The following ERI2 variants were observed in gnomAD, a reference collection of about 807,000 sequenced individuals.
The protein encoded by ERI2 is ERI1 exoribonuclease 2.
Under a neutral mutation model 46.8 loss-of-function variants are expected in ERI2, and 35 were observed. The observed-to-expected ratio is 0.75, with a 90% confidence interval of 0.57 to 0.99. The LOEUF (loss-of-function observed/expected upper bound fraction) is 0.99. ERI2 is among the 50% of genes least tolerant of loss of function. The pLI is 0.00. For missense variants in ERI2, 695 were observed against 796.2 expected, an observed-to-expected ratio of 0.87 and a Z score of 1.53; for synonymous variants, 224 against 271.0, an observed-to-expected ratio of 0.83 and a Z score of 1.70.
chr16:20,783,068 C>G (rs1567355902), intron 10 of ERI2, among the ~76,000 whole-genome samples: 1 of 152,160 alleles, frequency 6.6e-6, no homozygotes. Context: ...GGAGGTGAGG[C>G]TGAAAGTGCC....
chr16:20,806,103 G>C (rs2080866101), intron 1 of ERI2: 2 of 1,315,438 alleles, frequency 1.5e-6, no homozygotes, highest in East Asian at 6.3e-5. Flanking sequence ...GCAGGGCACT[G>C]TCACGTCCAG....
chr16:20,801,164 C>G lies in ERI2; in HGVS notation c.460+39G>C, dbSNP rs752018153. The G allele has an allele frequency of 1.3e-5, 20 of 1,497,006 alleles. No homozygotes were observed. In the East Asian group the frequency reaches 2.7e-4, roughly 20 times the overall value. The allele number at this position is 1,497,006 out of a possible 1,614,324, so 92.7% of individuals were successfully genotyped here. A position where few individuals can be genotyped will look rare whatever the true frequency, so the allele number is the denominator to read the frequency against. Reference sequence around the variant, plus strand: ...AATAAAGAATTACATAGTGGTAATGCTACCCATCTGTGATTAATAGGTATA... The same window carrying G: ...AATAAAGAATTACATAGTGGTAATGGTACCCATCTGTGATTAATAGGTATA... On this transcript the variant is annotated intron_variant, in intron 5 of 8. Coordinates refer to ENST00000357967, the MANE Select transcript of ERI2 (RefSeq NM_001142725.2).
rs535404012 is a variant in ERI2, at chr16:20,780,422, T to C, written c.*220A>G. ...CAGACTCCTTACTCTGCTGGAGGTATGATAAAAATCTCAAGTTTTAAAAAT... is the reference window on the plus strand; with the variant it reads ...CAGACTCCTTACTCTGCTGGAGGTACGATAAAAATCTCAAGTTTTAAAAAT... On this transcript the variant is annotated 3_prime_UTR_variant, in exon 11 of 11. Coordinates refer to the ERI2 transcript ENST00000300005. 108 of 565,856 alleles carry C rather than the reference T, an allele frequency of 1.9e-4. 3 individuals are homozygous for C. The East Asian group carries it at 3.3e-3, about 17-fold the overall frequency. The allele number at this position is 565,856 out of a possible 1,614,324, so 35.1% of individuals were successfully genotyped here.
At position 20,797,472 on chromosome 16, in the gene ERI2, C is replaced by CAAATAATTTAAATAATTT; in HGVS notation, c.*251_*252insAAATTATTTAAATTATTT. 1.0e-5 allele frequency: 11 copies of CAAATAATTTAAATAATTT among 1,076,624 alleles called. No homozygotes were observed. The highest frequency in any genetic ancestry group is 1.2e-5 in the Non-Finnish European group (11 of 888,266). The allele number at this position is 1,076,624 out of a possible 1,614,324, so 66.7% of individuals were successfully genotyped here. A position where few individuals can be genotyped will look rare whatever the true frequency, so the allele number is the denominator to read the frequency against. On this transcript the variant is annotated 3_prime_UTR_variant, in exon 9 of 9. Coordinates refer to ENST00000357967, the MANE Select transcript of ERI2 (RefSeq NM_001142725.2). ...GGATTTTTATTAGTCACATTTTTTG[C>CAAATAATTTAAATAATTT]AAATAATTTAAAAATAGTTTAGACT...
chr16:20,790,654 C>G lies in ERI2; in HGVS notation c.815+196G>C, dbSNP rs764482495. On this transcript the variant is annotated intron_variant, in intron 9 of 10. Transcript: ENST00000300005. The surrounding 1 kb of genome is among the most constrained non-coding windows in gnomAD (Gnocchi z 4.0). Reference sequence around the variant, plus strand: ...GGAGATATTGGCATTCAAGTTCTACCCAACCGACCATTTGGCCTTTTTACT... The same window carrying G: ...GGAGATATTGGCATTCAAGTTCTACGCAACCGACCATTTGGCCTTTTTACT... 1 of 1,614,046 alleles carries G rather than the reference C, an allele frequency of 6.2e-7. No individual in the cohort carries two copies. Among genetic ancestry groups the G allele is most frequent in the Non-Finnish European group, 8.5e-7 (1 of 1,179,976 alleles).
chr16:20,806,289 C>T (rs1596556205), intron 1 of ERI2, 119 bp downstream of exon 1: 1 of 1,464,328 alleles, frequency 6.8e-7, no homozygotes, highest in Non-Finnish European at 9.0e-7. Flanking sequence ...TCGCAGACGC[C>T]GGGGCTGCGG....
At position 20,798,700 on chromosome 16, in the gene ERI2, T is replaced by A. The variant is rs1221423218; in HGVS notation, c.1100A>T (p.Lys367Ile). 1 of 1,551,578 alleles carries A rather than the reference T, an allele frequency of 6.4e-7. No homozygotes were observed. The highest frequency in any genetic ancestry group is 1.4e-5 in the African/African-American group (1 of 73,028). The part of the protein sequence containing the change: ...GKNEHLAFNT[K>I]SKASTVGSEL... Reference sequence around the variant, plus strand: ...TGAACCAACTGTTGAAGCCTTAGATTTGGTATTAAATGCAAGATGTTCATT... The same window carrying A: ...TGAACCAACTGTTGAAGCCTTAGATATGGTATTAAATGCAAGATGTTCATT... Residue 367 changes from lysine to isoleucine, a missense_variant, in exon 9 of 9, where the codon AAA becomes ATA. Lys to Ile is a moderately radical substitution (Grantham distance 102). Coordinates refer to ENST00000357967, the MANE Select transcript of ERI2 (RefSeq NM_001142725.2).
Position 20,798,645 on chromosome 16 carries a change from TG to T in ERI2, c.1154del (p.Pro385GlnfsTer11). 6.4e-7 allele frequency: 1 copy of T among 1,551,618 alleles called. No individual in the cohort carries two copies. The highest frequency in any genetic ancestry group is 1.2e-5 in the South Asian group (1 of 84,060). On this transcript the variant is annotated frameshift_variant, in exon 9 of 9. Transcript: ENST00000357967. LOFTEE classifies it high-confidence loss of function. Reference sequence around the variant, plus strand: ...CCAAATCAGAAACATGATGAACAGTTGGAACGGTGGTAGAAACAAGTACCAA... The same window carrying T: ...CCAAATCAGAAACATGATGAACAGTTGAACGGTGGTAGAAACAAGTACCAA... Reference protein sequence around the residue: ...SELVLVSTTVPTVHHVSDLEM... With the variant: ...SELVLVSTTVXTVHHVSDLEM...
intron 10 of ERI2, among the ~76,000 whole-genome samples, chr16:20,786,636 T>C (rs1408737642): frequency 6.6e-6 from 1 of 152,192 alleles, no homozygotes; most frequent in African/African-American, 2.4e-5. Context: ...TGAGCCATGA[T>C]CACACCACTG....
chr16:20,780,964 G>A (rs776896545), intron 10 of ERI2: 1 of 1,613,992 alleles, frequency 6.2e-7, no homozygotes, highest in Non-Finnish European at 8.5e-7. Context: ...GCTACTCTTT[G>A]TTTTCCCAGG....
intron 10 of ERI2, among the ~76,000 whole-genome samples, chr16:20,788,852 A>ACATATTT (rs2080531303): frequency 6.6e-6 from 1 of 152,188 alleles, no homozygotes; most frequent in African/African-American, 2.4e-5. Context: ...TCTTTAGATA[A>ACATATTT]CTGGGTGGGA....
chr16:20,790,983 C>G lies in ERI2; in HGVS notation c.733-51G>C, dbSNP rs1596537941. The stretch of plus-strand genomic sequence containing the variant: ...TCCCCTGATCCTCTCAATTATCAAA[C>G]AAAACCCACTCATTTTCCTGAAATC... On this transcript the variant is annotated intron_variant, in intron 8 of 10. Coordinates refer to the ERI2 transcript ENST00000300005. This position sits in a 1 kb window ranked among gnomAD's most constrained non-coding sequence, Gnocchi z 4.0. 1.3e-6 allele frequency: 2 copies of G among 1,570,086 alleles called. No homozygotes were observed. Among genetic ancestry groups the G allele is most frequent in the Non-Finnish European group, 1.7e-6 (2 of 1,151,580 alleles).
At position 20,799,998 on chromosome 16, in the gene ERI2, A is replaced by T. The variant is rs1488694074; in HGVS notation, c.602T>A (p.Leu201Ter). 1 of 1,606,900 alleles carries T rather than the reference A, an allele frequency of 6.2e-7. No individual in the cohort carries two copies. Among genetic ancestry groups the T allele is most frequent in the African/African-American group, 1.3e-5 (1 of 74,746 alleles). ...RRKPKGLSGA[L>*]QEVGIEFSGR... ...TGAGAATTCTATTCCTACTTCCTGC[A>T]AGGCACCACTTAGTCCTTTTGGTTT... is the stretch of plus-strand genomic sequence containing the variant. The change falls in exon 7 of 9, where the codon TTG becomes TAG. Residue 201 changes from leucine to a stop codon, truncating the protein, a stop_gained. Coordinates refer to ENST00000357967, the MANE Select transcript of ERI2 (RefSeq NM_001142725.2). LOFTEE classifies it high-confidence loss of function.
chr16:20,791,972 C>A (rs1339499055), downstream of ERI2: 2 of 1,609,766 alleles, frequency 1.2e-6, no homozygotes. Flanking sequence ...TTGGATTCAC[C>A]ATAACAACAA....
chr16:20,792,861 T>C (rs746794629), downstream of ERI2, among the ~76,000 whole-genome samples: 6 of 152,198 alleles, frequency 3.9e-5, no homozygotes, highest in African/African-American at 4.8e-5. Flanking sequence ...CCCATTCCTA[T>C]TGGGGCTGAC....
downstream of ERI2, chr16:20,791,915 G>A: frequency 1.3e-6 from 2 of 1,499,106 alleles, no homozygotes; most frequent in Non-Finnish European, 1.8e-6. Flanking sequence ...GTAACAGAGT[G>A]AGACTGTCTC....
chr16:20,797,551 A>T lies in ERI2; in HGVS notation c.*173T>A. 1 of 1,239,042 alleles carries T rather than the reference A, an allele frequency of 8.1e-7. No homozygotes were observed. The highest frequency in any genetic ancestry group is 3.3e-5 in the South Asian group (1 of 29,970). 76.8% of individuals were successfully genotyped at this position (1,239,042 alleles called of 1,614,324 possible). ...ATCATATACTATTGTTGCTTATTAT[A>T]TGTAATCTAATAAATACTGTTTACA... On this transcript the variant is annotated 3_prime_UTR_variant, in exon 9 of 9. Coordinates refer to ENST00000357967, the MANE Select transcript of ERI2 (RefSeq NM_001142725.2).
chr16:20,795,812 G>A (rs919080279), downstream of ERI2, among the ~76,000 whole-genome samples: 3 of 152,240 alleles, frequency 2.0e-5, no homozygotes. Flanking sequence ...AGGGGGCTAT[G>A]AGGGATGGCC....
chr16:20,802,722 C>G (rs1214616911), intron 4 of ERI2, 74 bp downstream of exon 4: 2 of 1,483,634 alleles, frequency 1.3e-6, no homozygotes, highest in Non-Finnish European at 1.8e-6. Context: ...CTAAATAAAT[C>G]TAATTTCAAA....
Sources: gnomAD v4.1 joint callset for allele counts (sites outside exome capture counted in the v4.1 genomes callset) on GRCh38, gnomAD v4.1.1 for gene constraint, Gnocchi (gnomAD v3.1) non-coding constraint, MANE v1.5 for transcripts, NCBI Gene and HGNC (gene_info 2026-07-23, HGNC 2026-07-21) for gene names.